Variants in MYOM2 observed in about 807,000 individuals in gnomAD.
The protein encoded by MYOM2 is myomesin-2.
In MYOM2, 254 loss-of-function variants were observed where a neutral mutation model predicts 187.6. That is an observed-to-expected ratio of 1.35 (90% CI 1.22 to 1.50). MYOM2 has a LOEUF of 1.50. MYOM2 is among the 40% of genes most tolerant of loss of function. The pLI, the probability that MYOM2 is intolerant of heterozygous loss-of-function variation, is 0.00. For synonymous variants in MYOM2, 981 were observed against 753.8 expected (o/e 1.30, Z -4.94); for missense variants, 2,796 against 1,924.0 (o/e 1.45, Z -8.48).
rs148337899 is a variant in MYOM2 at position 2,050,857 on chromosome 8, G to C, written c.91G>C (p.Glu31Gln). 3 of 1,609,926 alleles carry C rather than the reference G, an allele frequency of 1.9e-6. No individual in the cohort carries two copies. The African/African-American group carries it at 4.0e-5, about 22-fold the overall frequency. Residue 31 changes from glutamate to glutamine, a missense_variant, in exon 2 of 37, where the codon GAA becomes CAA. By Grantham distance (29) the Glu-to-Gln change is conservative. Coordinates refer to ENST00000262113, the MANE Select transcript of MYOM2 (RefSeq NM_003970.4). ...TATTCAAACACGGTACCTGCTGGAC[G>C]AATATGCGTCAAAAAAGTAAGCTGA... The part of the protein sequence containing the change: ...RNIQTRYLLD[E>Q]YASKKRASTQ...
intron 32 of MYOM2, among the ~76,000 whole-genome samples, chr8:2,135,892 G>A (rs1798051943): frequency 1.3e-5 from 2 of 152,200 alleles, no homozygotes; most frequent in Admixed American, 1.3e-4. Context: ...CTTATAAGTT[G>A]CTCATTCAGG....
At chr8:2,105,388 G>A (rs1181200925) in intron 21 of MYOM2, among the ~76,000 whole-genome samples, 6 of 152,222 alleles carry the variant, frequency 3.9e-5, no homozygotes, top group African/African-American at 7.2e-5. Context: ...TAATTCCTAC[G>A]ACATAGATTC....
intron 31 of MYOM2, among the ~76,000 whole-genome samples, chr8:2,128,200 G>C (rs1317269352): frequency 6.6e-6 from 1 of 152,118 alleles, no homozygotes; most frequent in Non-Finnish European, 1.5e-5. Context: ...GGCAAGCAAA[G>C]GCTCTTTCAG....
chr8:2,131,263 A>G (rs3824179), intron 32 of MYOM2, among the ~76,000 whole-genome samples: 21,187 of 152,066 alleles, frequency 0.14, 2,593 homozygotes, highest in African/African-American at 0.31. Flanking sequence ...CCTCACAAAT[A>G]CCCTGTGAGT....
In MYOM2 at chr8:2,078,742, T is replaced by C; in HGVS notation, c.1271T>C (p.Val424Ala). 1 of 1,614,112 alleles carries C rather than the reference T, an allele frequency of 6.2e-7. No homozygotes were observed. Among genetic ancestry groups the C allele is most frequent in the Non-Finnish European group, 8.5e-7 (1 of 1,180,012 alleles). The change falls in exon 12 of 37, where the codon GTA becomes GCA. Residue 424 changes from valine to alanine, a missense_variant. Physicochemically the swap from Val to Ala is moderately conservative, Grantham distance 64. Coordinates refer to ENST00000262113, the MANE Select transcript of MYOM2 (RefSeq NM_003970.4). ...CTTTTTTTAACTTGAAGATGTGAAG[T>C]AGGAACGAATAATTGGGTGCAGTGC... is the stretch of plus-strand genomic sequence containing the variant. ...VMGYFVDRCE[V>A]GTNNWVQCND...
chr8:2,093,915 C>T lies in MYOM2; in HGVS notation c.2004-55C>T. 4 of 1,589,408 alleles carry T rather than the reference C, an allele frequency of 2.5e-6. No homozygotes were observed. The Middle Eastern group carries it at 6.0e-4, about 238-fold the overall frequency. On this transcript the variant is annotated intron_variant, in intron 16 of 36. Transcript: ENST00000262113. ...TTCAGGGTGATTTTTGCTTCTGCTG[C>T]AGGAGAGAAAAAGTGGAGCCTGGCA...
At chr8:2,068,564 C>A (rs1474083818) in intron 6 of MYOM2, among the ~76,000 whole-genome samples, 1 of 146,762 alleles carries the variant, frequency 6.8e-6, no homozygotes. Context: ...CGGAGAGCAT[C>A]CCGGGGGACA....
intron 34 of MYOM2, among the ~76,000 whole-genome samples, chr8:2,142,068 G>A (rs187802970): frequency 1.6e-4 from 14 of 87,326 alleles, no homozygotes; most frequent in African/African-American, 8.1e-4. Context: ...GTGCAATCTA[G>A]TGAATTTGTG....
intron 12 of MYOM2, among the ~76,000 whole-genome samples, chr8:2,079,306 C>G (rs898392541): frequency 6.6e-6 from 1 of 151,966 alleles, no homozygotes; most frequent in African/African-American, 2.4e-5. Flanking sequence ...CTTAATGGGA[C>G]TGGGCCCTTC....
intron 32 of MYOM2, among the ~76,000 whole-genome samples, chr8:2,130,870 C>G (rs959185840): frequency 4.6e-5 from 7 of 152,180 alleles, no homozygotes; most frequent in Non-Finnish European, 8.8e-5. Context: ...ATGAGTAAAT[C>G]TATGTTTCTA....
At chr8:2,143,310 T>A in intron 35 of MYOM2, 91 bp from the exon 36 acceptor site, 2 of 1,424,766 alleles carry the variant, frequency 1.4e-6, no homozygotes, top group Non-Finnish European at 2.0e-6. Context: ...CTCACCACAT[T>A]CACCTTGGTA....
At chr8:2,095,180 T>C (rs1215969089) in intron 17 of MYOM2, among the ~76,000 whole-genome samples, 1 of 152,212 alleles carries the variant, frequency 6.6e-6, no homozygotes, top group African/African-American at 2.4e-5. Context: ...CTAGGTACAA[T>C]AGCGCTGACT....
rs753245310 is a variant in MYOM2, at chr8:2,097,010, C to T, written c.2313+576C>T. ...GCAGCCATTGCTCTGTTTCCCTGTC[C>T]GGCCCTTGACCCCTCATCTGAGCAT... On this transcript the variant is annotated intron_variant, in intron 18 of 36. Transcript: ENST00000262113. 8 of 542,194 alleles carry T rather than the reference C, an allele frequency of 1.5e-5. No individual in the cohort carries two copies. The South Asian group carries it at 3.8e-4, about 26-fold the overall frequency. The allele number at this position is 542,194 out of a possible 1,614,324, so 33.6% of individuals were successfully genotyped here. A position where few individuals can be genotyped will look rare whatever the true frequency, so the allele number is the denominator to read the frequency against.
chr8:2,137,480 A>G (rs1046662584), intron 32 of MYOM2, among the ~76,000 whole-genome samples: 3 of 151,818 alleles, frequency 2.0e-5, no homozygotes, highest in African/African-American at 7.3e-5. Context: ...GGCCTTACTG[A>G]TGTGTGGAGG....
intron 28 of MYOM2, among the ~76,000 whole-genome samples, chr8:2,121,042 A>C (rs1287628093): frequency 6.6e-6 from 1 of 152,114 alleles, no homozygotes; most frequent in Admixed American, 6.6e-5. Context: ...CTTGCTCAAC[A>C]AATGAAAAGC....
At position 2,141,176 on chromosome 8, in the gene MYOM2, A is replaced by G; in HGVS notation, c.4000A>G (p.Lys1334Glu). ...AGCATTTGCAGAATTCCAGCAATTC[A>G]AGTAAGATTTGTGTATTTAGTTACT... ...DEAFAEFQQF[K>E]AAAFAEKNRG... Residue 1334 changes from lysine to glutamate, a missense_variant and splice_region_variant, in exon 34 of 37, where the codon AAA becomes GAA. Coordinates refer to ENST00000262113, the MANE Select transcript of MYOM2 (RefSeq NM_003970.4). The G allele has an allele frequency of 1.2e-6, 2 of 1,612,234 alleles. No homozygotes were observed. The highest frequency in any genetic ancestry group is 1.7e-6 in the Non-Finnish European group (2 of 1,178,634).
At chr8:2,115,867 G>C in intron 25 of MYOM2, 93 bp from the exon 26 acceptor site, 2 of 1,382,228 alleles carry the variant, frequency 1.4e-6, no homozygotes, top group Non-Finnish European at 2.0e-6. Flanking sequence ...AATCCCTTGA[G>C]ATCTCATGGC....
intron 2 of MYOM2, 71 bp from the exon 3 acceptor site, chr8:2,052,087 G>C (rs529820020): frequency 6.7e-5 from 107 of 1,589,238 alleles, no homozygotes; most frequent in Non-Finnish European, 8.9e-5. Flanking sequence ...GAGAGAAAGT[G>C]ATGTGTGTCA....
chr8:2,115,825 G>C (rs1250382253), intron 25 of MYOM2, 135 bp from the exon 26 acceptor site: 3 of 964,068 alleles, frequency 3.1e-6, no homozygotes, highest in East Asian at 5.2e-5. Context: ...AGGTTTCCTT[G>C]ATAAAATTTC....
Sources: allele counts gnomAD v4.1 joint callset (sites outside exome capture counted in the v4.1 genomes callset), GRCh38; gene constraint gnomAD v4.1.1; transcripts MANE v1.5; gene names NCBI Gene and HGNC (gene_info 2026-07-23, HGNC 2026-07-21).